Variants in CNTNAP5 observed in about 807,000 individuals in gnomAD.
The protein encoded by CNTNAP5 is contactin associated protein family member 5, also known as contactin-associated protein-like 5.
CNTNAP5 carries 72 observed loss-of-function variants against 150.2 expected under a neutral mutation model. That is an observed-to-expected ratio of 0.48 (90% CI 0.40 to 0.58). CNTNAP5 has a LOEUF of 0.58. Among genes scored for constraint, CNTNAP5 ranks in the 20% least tolerant of loss-of-function variants. CNTNAP5 has a pLI of 0.00. For synonymous variants in CNTNAP5, 672 were observed against 619.8 expected, an observed-to-expected ratio of 1.08 and a Z score of -1.25; for missense variants, 1,636 against 1,626.2, an observed-to-expected ratio of 1.01 and a Z score of -0.10.
At chr2:124,443,057 T>C (rs963500761) in intron 5 of CNTNAP5, among the ~76,000 whole-genome samples, 1 of 152,112 alleles carries the variant, frequency 6.6e-6, no homozygotes, top group Admixed American at 6.5e-5. Flanking sequence ...GCCTTTGTCC[T>C]CCAGTTCTTT....
At chr2:124,623,970 G>A (rs955436042) in intron 12 of CNTNAP5, among the ~76,000 whole-genome samples, 17 of 152,198 alleles carry the variant, frequency 1.1e-4, no homozygotes, top group African/African-American at 3.4e-4. Context: ...GCTTAGAGGT[G>A]GGAATTTTTA....
chr2:124,838,179 C>T (rs1682868557), intron 19 of CNTNAP5, among the ~76,000 whole-genome samples: 3 of 152,152 alleles, frequency 2.0e-5, no homozygotes, highest in Non-Finnish European at 4.4e-5. Context: ...TATTATGTGC[C>T]AGATACTCTT....
intron 1 of CNTNAP5, among the ~76,000 whole-genome samples, chr2:124,040,498 C>A (rs1377082548): frequency 6.6e-6 from 1 of 152,014 alleles, no homozygotes; most frequent in African/African-American, 2.4e-5. Flanking sequence ...TTTCAGATAA[C>A]CTTACAGTAT....
At chr2:124,289,907 G>C (rs1468982311) in intron 3 of CNTNAP5, among the ~76,000 whole-genome samples, 3 of 152,144 alleles carry the variant, frequency 2.0e-5, no homozygotes, top group Admixed American at 1.3e-4. Context: ...TGTGGCTTTT[G>C]AGAAACTCTA....
intron 2 of CNTNAP5, among the ~76,000 whole-genome samples, chr2:124,237,810 C>T (rs1686789328): frequency 6.6e-6 from 1 of 152,158 alleles, no homozygotes; most frequent in Admixed American, 6.5e-5. Context: ...GCACTCCAGC[C>T]TGGGCGACAG....
At chr2:124,192,536 A>G (rs1685484194) in intron 1 of CNTNAP5, among the ~76,000 whole-genome samples, 1 of 152,074 alleles carries the variant, frequency 6.6e-6, no homozygotes, top group African/African-American at 2.4e-5. Flanking sequence ...GATATCCACA[A>G]CTGACATTCA....
chr2:124,158,436 A>G (rs966084720), intron 1 of CNTNAP5, among the ~76,000 whole-genome samples: 2 of 152,170 alleles, frequency 1.3e-5, no homozygotes, highest in Non-Finnish European at 2.9e-5. Flanking sequence ...GACTTATAGT[A>G]CCTAATACTT....
intron 13 of CNTNAP5, among the ~76,000 whole-genome samples, chr2:124,718,305 G>T (rs1201369842): frequency 2.0e-5 from 3 of 152,146 alleles, no homozygotes; most frequent in Non-Finnish European, 4.4e-5. Context: ...GAAAGATAAA[G>T]GTTCCTATTT....
chr2:124,687,485 A>G (rs1679215692), intron 13 of CNTNAP5, among the ~76,000 whole-genome samples: 1 of 152,036 alleles, frequency 6.6e-6, no homozygotes, highest in Non-Finnish European at 1.5e-5. Flanking sequence ...CTACTCTGCA[A>G]GTTTCATTAT....
intron 19 of CNTNAP5, among the ~76,000 whole-genome samples, chr2:124,844,225 C>T (rs945428287): frequency 1.3e-5 from 2 of 152,012 alleles, no homozygotes; most frequent in Non-Finnish European, 2.9e-5. Context: ...CATTCTTTTA[C>T]ATGGGGCTTG....
At chr2:124,411,138 G>A (rs948761638) in intron 3 of CNTNAP5, among the ~76,000 whole-genome samples, 2 of 152,128 alleles carry the variant, frequency 1.3e-5, no homozygotes, top group African/African-American at 4.8e-5. Flanking sequence ...AGAAGAAATG[G>A]ATAAATTCCT....
intron 1 of CNTNAP5, among the ~76,000 whole-genome samples, chr2:124,097,209 G>A (rs991978318): frequency 2.2e-4 from 33 of 152,046 alleles, no homozygotes; most frequent in Non-Finnish European, 2.9e-5. Flanking sequence ...AGATGAGAAA[G>A]GTAGAGGTTA....
intron 7 of CNTNAP5, among the ~76,000 whole-genome samples, chr2:124,497,277 T>A (rs1359842857): frequency 1.3e-5 from 2 of 152,140 alleles, no homozygotes; most frequent in African/African-American, 2.4e-5. Context: ...TGCTTGAATA[T>A]CCAAAATAAC....
chr2:124,140,109 T>A (rs980535970), intron 1 of CNTNAP5, among the ~76,000 whole-genome samples: 1 of 151,694 alleles, frequency 6.6e-6, no homozygotes, highest in Non-Finnish European at 1.5e-5. Flanking sequence ...ACCACGAGAC[T>A]ATATCCCACA....
intron 1 of CNTNAP5, among the ~76,000 whole-genome samples, chr2:124,186,899 G>A (rs6710131): frequency 0.11 from 16,610 of 152,228 alleles, 1,110 homozygotes; most frequent in Middle Eastern, 0.23. Context: ...CAAACTCAGT[G>A]TGTTGAGTGC....
intron 19 of CNTNAP5, among the ~76,000 whole-genome samples, chr2:124,820,715 G>T (rs137856674): frequency 2.0e-5 from 3 of 152,136 alleles, no homozygotes; most frequent in Middle Eastern, 3.4e-3. Flanking sequence ...GTCATTATGC[G>T]CATTATCTCT....
At chr2:124,787,872 AT>A (rs1681632303) in intron 17 of CNTNAP5, among the ~76,000 whole-genome samples, 1 of 152,222 alleles carries the variant, frequency 6.6e-6, no homozygotes. Flanking sequence ...GTATCTGGTC[AT>A]TTGTCAGACA....
At chr2:124,218,284 AG>A (rs1224563500) in intron 1 of CNTNAP5, among the ~76,000 whole-genome samples, 1 of 152,116 alleles carries the variant, frequency 6.6e-6, no homozygotes, top group South Asian at 2.1e-4. Context: ...AGGCAAAAAT[AG>A]GCTTCCATTC....
At chr2:124,266,985 A>G (rs114390774) in intron 3 of CNTNAP5, among the ~76,000 whole-genome samples, 1 of 144,062 alleles carries the variant, frequency 6.9e-6, no homozygotes, top group Non-Finnish European at 1.5e-5. Context: ...TTTTTTTTTT[A>G]CAATGCTGGG....
Sources: allele counts gnomAD v4.1 joint callset (sites outside exome capture counted in the v4.1 genomes callset), GRCh38; gene constraint gnomAD v4.1.1; transcripts MANE v1.5; gene names NCBI Gene and HGNC (gene_info 2026-07-23, HGNC 2026-07-21).